Variants in TXLNB observed in about 807,000 individuals in gnomAD.
The protein encoded by TXLNB is taxilin beta, also known as beta-taxilin.
A neutral mutation model predicts 57.4 loss-of-function variants in TXLNB; 37 were observed. The ratio of observed to expected loss-of-function variants is 0.64; its 90% CI spans 0.50 to 0.85. The LOEUF is 0.85. TXLNB is among the 40% of genes least tolerant of loss of function. TXLNB has a pLI of 0.00. For synonymous variants in TXLNB, 302 were observed against 309.6 expected (o/e 0.98, Z 0.26); for missense variants, 848 against 825.6 (o/e 1.03, Z -0.33).
At chr6:139,176,883 T>C in the TXLNB span, 1 of 822,200 alleles carries the variant, frequency 1.2e-6, no homozygotes, top group Admixed American at 1.8e-5. This position sits in a 1 kb window ranked among gnomAD's most constrained non-coding sequence, Gnocchi z 4.5. Context: ...TTTGGATGAC[T>C]TTGACAAGTG....
chr6:139,288,460 G>T lies in TXLNB; in HGVS notation c.424+16C>A. ...TACCATACAGAAAAGTCACATATTT[G>T]AACATAACTACTTGCCTAATCCTTT... On this transcript the variant is annotated intron_variant, in intron 2 of 9. Transcript: ENST00000358430. The T allele has an allele frequency of 1.2e-6, 2 of 1,610,000 alleles. No homozygotes were observed. Among genetic ancestry groups the T allele is most frequent in the South Asian group, 1.1e-5 (1 of 90,878 alleles).
the TXLNB span, among the ~76,000 whole-genome samples, chr6:139,185,077 G>A: frequency 6.6e-5 from 10 of 152,288 alleles, no homozygotes; most frequent in African/African-American, 2.4e-4. Context: ...GTAAAGCCGG[G>A]TGAAGCCTAT....
At chr6:139,169,780 T>C in the TXLNB span, 3 of 152,356 alleles carry the variant, frequency 2.0e-5, no homozygotes, top group Admixed American at 1.3e-4. Context: ...AGAGTCTGTC[T>C]CTAGAGGCTT....
chr6:139,174,194 T>C, the TXLNB span, among the ~76,000 whole-genome samples: 5 of 152,252 alleles, frequency 3.3e-5, no homozygotes, highest in Non-Finnish European at 5.9e-5. Flanking sequence ...ACATGCTTTA[T>C]TGACAACAGC....
At chr6:139,172,729 G>C in the TXLNB span, among the ~76,000 whole-genome samples, 1 of 152,202 alleles carries the variant, frequency 6.6e-6, no homozygotes, top group Non-Finnish European at 1.5e-5. Context: ...CGAGAGACAT[G>C]AATCAGTCTG....
At chr6:139,305,504 C>T in the TXLNB span, among the ~76,000 whole-genome samples, 26 of 151,962 alleles carry the variant, frequency 1.7e-4, no homozygotes, top group African/African-American at 6.0e-4. Flanking sequence ...GTGGATTGAC[C>T]ATGGAACAAA....
intron 3 of TXLNB, among the ~76,000 whole-genome samples, chr6:139,275,221 GC>G (rs1330719368): frequency 6.6e-6 from 1 of 152,154 alleles, no homozygotes; most frequent in Non-Finnish European, 1.5e-5. Flanking sequence ...ATTTGGTAAA[GC>G]AAAACAGTGA....
At chr6:139,317,918 T>A in the TXLNB span, among the ~76,000 whole-genome samples, 28 of 151,794 alleles carry the variant, frequency 1.8e-4, no homozygotes, top group Non-Finnish European at 3.5e-4. Context: ...TTAAAAAATT[T>A]AAAAAACAGA....
At chr6:139,194,970 CA>C in the TXLNB span, among the ~76,000 whole-genome samples, 1 of 152,248 alleles carries the variant, frequency 6.6e-6, no homozygotes, top group African/African-American at 2.4e-5. Context: ...TGGCTTAAAA[CA>C]ACACAAATTT....
chr6:139,187,721 C>T, the TXLNB span, among the ~76,000 whole-genome samples: 2 of 152,096 alleles, frequency 1.3e-5, no homozygotes, highest in African/African-American at 4.8e-5. Flanking sequence ...ATTCATCTGG[C>T]CGAGGTCATT....
the TXLNB span, among the ~76,000 whole-genome samples, chr6:139,188,877 C>G: frequency 2.6e-5 from 4 of 152,222 alleles, no homozygotes; most frequent in Admixed American, 6.5e-5. Flanking sequence ...GTCTCAGCCT[C>G]CTGAGTAGCT....
chr6:139,181,939 T>C, the TXLNB span, among the ~76,000 whole-genome samples: 2 of 152,248 alleles, frequency 1.3e-5, no homozygotes, highest in East Asian at 3.8e-4. Flanking sequence ...GATCTGATTT[T>C]ATTTTTGACA....
intron 8 of TXLNB, among the ~76,000 whole-genome samples, chr6:139,247,198 A>G (rs1776085494): frequency 6.6e-6 from 1 of 152,128 alleles, no homozygotes; most frequent in Non-Finnish European, 1.5e-5. Context: ...GCTAGAGTGC[A>G]GTGGCGTGAT....
intron 8 of TXLNB, among the ~76,000 whole-genome samples, chr6:139,245,850 T>G (rs967121495): frequency 6.6e-6 from 1 of 150,558 alleles, no homozygotes; most frequent in Non-Finnish European, 1.5e-5. Context: ...CTGCCACCAT[T>G]CCTGGCTAAT....
the TXLNB span, among the ~76,000 whole-genome samples, chr6:139,322,987 T>C: frequency 2.6e-5 from 4 of 152,186 alleles, no homozygotes; most frequent in African/African-American, 9.6e-5. Flanking sequence ...ATTTTCTAAA[T>C]GTCCATTTCC....
intron 4 of TXLNB, among the ~76,000 whole-genome samples, chr6:139,265,049 A>T (rs1776579755): frequency 6.6e-6 from 1 of 152,224 alleles, no homozygotes; most frequent in South Asian, 2.1e-4. Context: ...TAACAAAAAA[A>T]CCTTGCAAGC....
the TXLNB span, among the ~76,000 whole-genome samples, chr6:139,308,345 T>G: frequency 6.6e-6 from 1 of 152,154 alleles, no homozygotes. Context: ...CATCACTATA[T>G]TGGAAGGACT....
the TXLNB span, among the ~76,000 whole-genome samples, chr6:139,190,090 A>C: frequency 6.6e-6 from 1 of 152,240 alleles, no homozygotes; most frequent in Admixed American, 6.5e-5. Context: ...AAATATTAAC[A>C]GTAAAGAAAA....
chr6:139,236,693 T>C (rs541673356), downstream of TXLNB, among the ~76,000 whole-genome samples: 2 of 152,232 alleles, frequency 1.3e-5, no homozygotes, highest in African/African-American at 4.8e-5. Context: ...AATAGACTAA[T>C]ATACAGGCTC....
Sources: allele counts gnomAD v4.1 joint callset (sites outside exome capture counted in the v4.1 genomes callset), GRCh38; gene constraint gnomAD v4.1.1; non-coding constraint Gnocchi (gnomAD v3.1); transcripts MANE v1.5; gene names NCBI Gene and HGNC (gene_info 2026-07-23, HGNC 2026-07-21).